The following SGMS1 variants were observed in gnomAD, a reference collection of about 807,000 sequenced individuals.
SGMS1 encodes sphingomyelin synthase 1.
A neutral mutation model predicts 46.2 loss-of-function variants in SGMS1; 13 were observed. The ratio of observed to expected loss-of-function variants is 0.28; its 90% CI spans 0.18 to 0.45. The LOEUF is 0.45. SGMS1 is among the 20% of genes least tolerant of loss of function. The pLI is 1.00. For synonymous variants in SGMS1, 203 were observed against 187.8 expected (o/e 1.08, Z -0.66); for missense variants, 324 against 519.9 (o/e 0.62, Z 3.66).
At chr10:50,372,617 C>G (rs1331956552) in intron 6 of SGMS1, among the ~76,000 whole-genome samples, 2 of 151,998 alleles carry the variant, frequency 1.3e-5, no homozygotes, top group African/African-American at 4.8e-5. Flanking sequence ...GGCGTGAACC[C>G]AGGAGGTGGA....
intron 2 of SGMS1, among the ~76,000 whole-genome samples, chr10:50,568,839 TACAG>T (rs1838312803): frequency 1.3e-5 from 2 of 152,160 alleles, no homozygotes; most frequent in African/African-American, 4.8e-5. Context: ...TGAGGGCGCT[TACAG>T]ACATAGTAAA....
intron 2 of SGMS1, among the ~76,000 whole-genome samples, chr10:50,562,357 C>T (rs542805175): frequency 0.041 from 4,749 of 115,306 alleles, 153 homozygotes; most frequent in African/African-American, 0.1. Flanking sequence ...TGTGTGTGTG[C>T]GCGCGCGCAC....
intron 3 of SGMS1, among the ~76,000 whole-genome samples, chr10:50,511,631 G>A (rs924446531): frequency 1.3e-5 from 2 of 152,144 alleles, no homozygotes; most frequent in African/African-American, 4.8e-5. Flanking sequence ...TGCCTTAAAA[G>A]GTTCTTTGCA....
At chr10:50,385,963 G>C (rs1848675785) in intron 6 of SGMS1, among the ~76,000 whole-genome samples, 1 of 152,066 alleles carries the variant, frequency 6.6e-6, no homozygotes, top group Non-Finnish European at 1.5e-5. Flanking sequence ...AGACCCTCTT[G>C]TGGGGCTTTT....
intron 6 of SGMS1, among the ~76,000 whole-genome samples, chr10:50,412,459 A>T (rs1849114099): frequency 6.6e-6 from 1 of 152,166 alleles, no homozygotes. Context: ...ATCACCTACA[A>T]AAATTCACAC....
At chr10:50,551,209 T>A (rs1838146043) in intron 2 of SGMS1, among the ~76,000 whole-genome samples, 1 of 151,906 alleles carries the variant, frequency 6.6e-6, no homozygotes, top group Admixed American at 6.6e-5. Context: ...GTCATGTTGG[T>A]ACTATGTACT....
intron 3 of SGMS1, among the ~76,000 whole-genome samples, chr10:50,474,419 A>G (rs1247164514): frequency 6.6e-6 from 1 of 152,010 alleles, no homozygotes; most frequent in Non-Finnish European, 1.5e-5. Flanking sequence ...CCCTCTCTCT[A>G]AGTTCTCTTG....
intron 2 of SGMS1, among the ~76,000 whole-genome samples, chr10:50,569,358 TA>T (rs1838318045): frequency 7.0e-6 from 1 of 141,850 alleles, no homozygotes; most frequent in South Asian, 2.2e-4. Flanking sequence ...GGATGAAAAG[TA>T]AGGATGCCAG....
rs7086540 is a variant in SGMS1, at chr10:50,496,472, A to G, written c.-498+23359T>C. Among the ~76,000 whole-genome samples the G allele has an allele frequency of 7.9e-3, 1,209 of 152,276 alleles. 13 individuals are homozygous for G. The highest frequency in any genetic ancestry group is 0.028 in the African/African-American group (1,160 of 41,554). ...ACCACCACTCCACACTATGCCCATC[A>G]CCAAACACTACCCAGAAAAGCAACG... On this transcript the variant is annotated intron_variant, in intron 3 of 10. Coordinates refer to ENST00000361781, the MANE Select transcript of SGMS1 (RefSeq NM_147156.4).
chr10:50,509,169 GAAGTT>G (rs1588858410), intron 3 of SGMS1, among the ~76,000 whole-genome samples: 2 of 152,206 alleles, frequency 1.3e-5, no homozygotes, highest in Non-Finnish European at 2.9e-5. Context: ...CAAAAGGATA[GAAGTT>G]ATATCCTTCA....
intron 9 of SGMS1, among the ~76,000 whole-genome samples, chr10:50,308,811 T>C (rs566391879): frequency 3.2e-4 from 48 of 152,310 alleles, no homozygotes; most frequent in African/African-American, 1.2e-3. Flanking sequence ...GGATTCTCAA[T>C]TGTGGGATTC....
At chr10:50,340,231 C>T (rs761937032) in intron 7 of SGMS1, among the ~76,000 whole-genome samples, 20 of 152,210 alleles carry the variant, frequency 1.3e-4, no homozygotes, top group Admixed American at 4.6e-4. Flanking sequence ...CAGGTGTTCA[C>T]CATGTCCCAG....
At chr10:50,336,104 C>T (rs1847712456) in intron 7 of SGMS1, 1 of 152,072 alleles carries the variant, frequency 6.6e-6, no homozygotes, top group Admixed American at 6.6e-5. Flanking sequence ...TTTAGAGTGT[C>T]CTTCCCCACT....
intron 1 of SGMS1, among the ~76,000 whole-genome samples, chr10:50,592,906 A>AGCCTCCAAGATGGTCCGTGGTGATATCC (rs1838555382): frequency 6.6e-6 from 1 of 151,776 alleles, no homozygotes; most frequent in Non-Finnish European, 1.5e-5. Context: ...TGTGGTAGCC[A>AGCCTCCAAGATGGTCCGTGGTGATATCC]GCCTCCAAGA....
chr10:50,559,866 T>C (rs1838218379), intron 2 of SGMS1, among the ~76,000 whole-genome samples: 1 of 152,096 alleles, frequency 6.6e-6, no homozygotes, highest in African/African-American at 2.4e-5. Context: ...AATTCAACTA[T>C]GTAAACAGGA....
chr10:50,519,079 C>T (rs1837834713), intron 3 of SGMS1, among the ~76,000 whole-genome samples: 2 of 151,950 alleles, frequency 1.3e-5, no homozygotes, highest in East Asian at 1.9e-4. Flanking sequence ...AATCTTACAA[C>T]ATAACAGGGC....
At chr10:50,623,470 C>G in intron 1 of SGMS1, 1 of 658,084 alleles carries the variant, frequency 1.5e-6, no homozygotes, top group Non-Finnish European at 1.9e-6. Context: ...CGGCCCGCCC[C>G]CTCCGAGCCC....
At chr10:50,517,992 C>G (rs1837820634) in intron 3 of SGMS1, among the ~76,000 whole-genome samples, 1 of 152,054 alleles carries the variant, frequency 6.6e-6, no homozygotes, top group Admixed American at 6.6e-5. Context: ...AGAAAAAATT[C>G]TGAAGAAGCT....
At chr10:50,472,670 A>G (rs146996308) in intron 3 of SGMS1, 3 of 152,220 alleles carry the variant, frequency 2.0e-5, no homozygotes, top group Admixed American at 6.5e-5. Flanking sequence ...ATTCAGATCA[A>G]ATTTCTTTGG....
Sources: allele counts gnomAD v4.1 joint callset (sites outside exome capture counted in the v4.1 genomes callset), GRCh38; gene constraint gnomAD v4.1.1; transcripts MANE v1.5; gene names NCBI Gene and HGNC (gene_info 2026-07-23, HGNC 2026-07-21).